Variants in PPP2R1A observed in about 807,000 individuals in gnomAD.
PPP2R1A encodes protein phosphatase 2 scaffold subunit Aalpha.
PPP2R1A carries 15 observed loss-of-function variants against 67.1 expected under a neutral mutation model. The ratio of observed to expected loss-of-function variants is 0.22; its 90% CI spans 0.15 to 0.34. The LOEUF (loss-of-function observed/expected upper bound fraction) is 0.34, where lower values mean the gene tolerates loss of function less well. Among genes scored for constraint, PPP2R1A ranks in the 10% least tolerant of loss-of-function variants. The pLI, the probability that PPP2R1A is intolerant of heterozygous loss-of-function variation, is 1.00. For synonymous variants in PPP2R1A, 337 were observed against 325.0 expected (o/e 1.04, Z -0.40); for missense variants, 369 against 775.0 (o/e 0.48, Z 6.22).
chr19:52,194,324 A>G (rs1017324759), intron 1 of PPP2R1A, among the ~76,000 whole-genome samples: 5 of 152,144 alleles, frequency 3.3e-5, no homozygotes, highest in Non-Finnish European at 7.4e-5. Context: ...CACAGCAAAA[A>G]GGCCAGTGTG....
At position 52,206,048 on chromosome 19, in the gene PPP2R1A, C is replaced by T. The variant is rs760874499; in HGVS notation, c.255C>T (p.Tyr85=). 1.5e-5 allele frequency: 25 copies of T among 1,613,922 alleles called. No individual in the cohort carries two copies. The Admixed American group carries it at 2.7e-4, about 17-fold the overall frequency. ...TFTTLVGGPE[Y]VHCLLPPLES... ...CTACCCTGGTGGGAGGCCCAGAGTA[C>T]GTGCACTGCCTGCTGGTGAGTGGAA... The change falls in exon 3 of 15, where the codon TAC becomes TAT. Residue 85 remains tyrosine, a synonymous_variant. Coordinates refer to ENST00000322088, the MANE Select transcript of PPP2R1A (RefSeq NM_014225.6).
intron 13 of PPP2R1A, 94 bp from the exon 14 acceptor site, chr19:52,225,623 G>T (rs1021263087): frequency 8.8e-7 from 1 of 1,137,664 alleles, no homozygotes; most frequent in Non-Finnish European, 1.3e-6. Flanking sequence ...ATCCGTGTCT[G>T]TGTACACTCT....
chr19:52,218,423 A>G (rs185064200), intron 9 of PPP2R1A, among the ~76,000 whole-genome samples: 2 of 152,136 alleles, frequency 1.3e-5, no homozygotes. Context: ...AGAGTGCGCT[A>G]TTTTTAATAT....
chr19:52,217,564 A>G (rs1340174552), intron 9 of PPP2R1A, among the ~76,000 whole-genome samples: 1 of 152,194 alleles, frequency 6.6e-6, no homozygotes, highest in Non-Finnish European at 1.5e-5. Flanking sequence ...AGGCAGTCCC[A>G]TGATGCCATT....
rs560155205 is a variant in PPP2R1A, at chr19:52,213,414, T to C, written c.807+304T>C. 2.0e-5 allele frequency among the ~76,000 whole-genome samples: 3 copies of C among 151,158 alleles called. No homozygotes were observed. The highest frequency in any genetic ancestry group is 4.4e-5 in the Non-Finnish European group (3 of 67,874). ...GTTCCTGACATAATCAAGCTGTCCTTTCACAAAGGGGAAGACAGCCCAAAA... is the reference window on the plus strand; with the variant it reads ...GTTCCTGACATAATCAAGCTGTCCTCTCACAAAGGGGAAGACAGCCCAAAA... On this transcript the variant is annotated intron_variant, in intron 6 of 14. Transcript: ENST00000322088. This position sits in a 1 kb window ranked among gnomAD's most constrained non-coding sequence, Gnocchi z 4.2.
Position 52,212,487 on chromosome 19 carries a change from C to T in PPP2R1A, c.504-199C>T. 1 of 611,714 alleles carries T rather than the reference C, an allele frequency of 1.6e-6. No individual in the cohort carries two copies. The highest frequency in any genetic ancestry group is 2.8e-6 in the Non-Finnish European group (1 of 353,078). The allele number at this position is 611,714 out of a possible 1,614,324, so 37.9% of individuals were successfully genotyped here. ...CGAAGTGTCTCACACACACTATTTT[C>T]ATTTAAACCTCATGCGGACCTGTGG... On this transcript the variant is annotated intron_variant, in intron 4 of 14. Coordinates refer to ENST00000322088, the MANE Select transcript of PPP2R1A (RefSeq NM_014225.6). This position sits in a 1 kb window ranked among gnomAD's most constrained non-coding sequence, Gnocchi z 4.1.
chr19:52,195,802 A>C (rs925973447), intron 1 of PPP2R1A, among the ~76,000 whole-genome samples: 1 of 152,192 alleles, frequency 6.6e-6, no homozygotes, highest in Admixed American at 6.5e-5. Flanking sequence ...ACCACCCTCC[A>C]GGAACCTCTG....
At chr19:52,197,164 T>G (rs1241455863) in intron 1 of PPP2R1A, among the ~76,000 whole-genome samples, 1 of 152,174 alleles carries the variant, frequency 6.6e-6, no homozygotes, top group Non-Finnish European at 1.5e-5. Context: ...ACATTTAACT[T>G]CCCTTCTGTT....
Position 52,220,263 on chromosome 19 carries a change from C to T in PPP2R1A, c.1363+14C>T. ...TTGTGGATCATGGTGAGTACCTTCA[C>T]AGGAGCAGCAAGAGGAGATGGGAGC... On this transcript the variant is annotated intron_variant, in intron 11 of 14. Transcript: ENST00000322088. The T allele has an allele frequency of 1.9e-6, 3 of 1,612,958 alleles. No homozygotes were observed. Among genetic ancestry groups the T allele is most frequent in the Admixed American group, 1.7e-5 (1 of 60,022 alleles).
intron 11 of PPP2R1A, among the ~76,000 whole-genome samples, chr19:52,220,772 A>G (rs748228740): frequency 3.3e-5 from 5 of 152,122 alleles, no homozygotes; most frequent in Non-Finnish European, 5.9e-5. Flanking sequence ...AGTGGAACCT[A>G]CCTCTTGGAG....
In PPP2R1A at chr19:52,216,380, G is replaced by T. The variant is rs528087471; in HGVS notation, c.994-149G>T. On this transcript the variant is annotated intron_variant, in intron 8 of 14. Coordinates refer to ENST00000322088, the MANE Select transcript of PPP2R1A (RefSeq NM_014225.6). The surrounding 1 kb of genome is among the most constrained non-coding windows in gnomAD (Gnocchi z 4.3). The stretch of plus-strand genomic sequence containing the variant: ...AAGTAGGTGGTACTCATAAGGAATA[G>T]TGATTTCCCCTGTACCCTAAGCCAT... 1.2e-5 allele frequency: 13 copies of T among 1,087,240 alleles called. 1 individual carries two copies. The South Asian group carries it at 1.9e-4, about 15-fold the overall frequency. The allele number at this position is 1,087,240 out of a possible 1,614,324, so 67.3% of individuals were successfully genotyped here.
chr19:52,216,838 A>G lies in PPP2R1A; in HGVS notation c.1128+175A>G, dbSNP rs1350951555. On this transcript the variant is annotated intron_variant, in intron 9 of 14. Transcript: ENST00000322088. This position sits in a 1 kb window ranked among gnomAD's most constrained non-coding sequence, Gnocchi z 4.3. The stretch of plus-strand genomic sequence containing the variant: ...TGTGTGTTCATGCGTTCATTCCTCC[A>G]GGCACTCTTCATGAGGCCTTTCCTG... Among the ~76,000 whole-genome samples the G allele has an allele frequency of 6.6e-6, 1 of 152,198 alleles. No individual in the cohort carries two copies. The highest frequency in any genetic ancestry group is 1.5e-5 in the Non-Finnish European group (1 of 68,040).
At chr19:52,191,028 T>A (rs1019258207) in intron 1 of PPP2R1A, 1 of 152,096 alleles carries the variant, frequency 6.6e-6, no homozygotes, top group Non-Finnish European at 1.5e-5. Flanking sequence ...CCCGACTAAT[T>A]TTTGTATTTT....
chr19:52,214,889 G>A (rs917432569), intron 6 of PPP2R1A, among the ~76,000 whole-genome samples: 4 of 152,058 alleles, frequency 2.6e-5, no homozygotes, highest in Non-Finnish European at 5.9e-5. Context: ...ACCACACCCA[G>A]CTAATTTTGT....
intron 2 of PPP2R1A, among the ~76,000 whole-genome samples, chr19:52,204,898 G>C (rs1384466251): frequency 6.6e-6 from 1 of 152,204 alleles, no homozygotes; most frequent in African/African-American, 2.4e-5. Flanking sequence ...TGATTTAGGG[G>C]ATGACAAAGG....
At chr19:52,207,852 G>A (rs2089620414) in intron 3 of PPP2R1A, among the ~76,000 whole-genome samples, 1 of 152,176 alleles carries the variant, frequency 6.6e-6, no homozygotes. Flanking sequence ...GCTCCTGGTT[G>A]CTTTCAGAGC....
chr19:52,200,766 G>A (rs1479462399), intron 1 of PPP2R1A, among the ~76,000 whole-genome samples: 3 of 152,170 alleles, frequency 2.0e-5, no homozygotes, highest in African/African-American at 7.2e-5. Flanking sequence ...GCTTGTGGAT[G>A]CATCTCCTGG....
At chr19:52,201,328 C>G (rs2089546218) in intron 1 of PPP2R1A, 1 of 152,108 alleles carries the variant, frequency 6.6e-6, no homozygotes, top group South Asian at 2.1e-4. Flanking sequence ...CTCTTTGAGA[C>G]AAAGAGTCTC....
In PPP2R1A at chr19:52,216,259, G is replaced by T. The variant is rs758700620; in HGVS notation, c.993+185G>T. Among the ~76,000 whole-genome samples, 10 of 152,190 alleles carry T rather than the reference G, an allele frequency of 6.6e-5. No individual in the cohort carries two copies. Among genetic ancestry groups the T allele is most frequent in the Non-Finnish European group, 1.5e-4 (10 of 68,050 alleles). ...CTTGAGGCTGACCTTAAAGGTGGAA[G>T]TACTTTCTAGAACCTCAGATGTCAC... On this transcript the variant is annotated intron_variant, in intron 8 of 14. Coordinates refer to ENST00000322088, the MANE Select transcript of PPP2R1A (RefSeq NM_014225.6). This position sits in a 1 kb window ranked among gnomAD's most constrained non-coding sequence, Gnocchi z 4.3.
Sources: gnomAD v4.1 joint callset for allele counts (sites outside exome capture counted in the v4.1 genomes callset) on GRCh38, gnomAD v4.1.1 for gene constraint, Gnocchi (gnomAD v3.1) non-coding constraint, MANE v1.5 for transcripts, NCBI Gene and HGNC (gene_info 2026-07-23, HGNC 2026-07-21) for gene names.